The following RUFY4 variants were observed in gnomAD, a reference collection of about 807,000 sequenced individuals.
The protein encoded by RUFY4 is RUN and FYVE domain containing 4, also known as RUN and FYVE domain-containing protein 4.
In RUFY4, 73 loss-of-function variants were observed where a neutral mutation model predicts 69.0. That is an observed-to-expected ratio of 1.06 (90% CI 0.88 to 1.29). RUFY4 has a LOEUF of 1.29. RUFY4 is among the 50% of genes most tolerant of loss of function. The pLI is 0.00. For synonymous variants in RUFY4, 287 were observed against 271.8 expected (o/e 1.06, Z -0.55); for missense variants, 770 against 705.6 (o/e 1.09, Z -1.03).
chr2:218,073,581 C>T (rs1334582817), intron 5 of RUFY4, among the ~76,000 whole-genome samples, 195 bp downstream of exon 7: 2 of 152,164 alleles, frequency 1.3e-5, no homozygotes, highest in African/African-American at 4.8e-5. Flanking sequence ...AGAATATGCA[C>T]TCACTAACGA....
exon 5 of RUFY4, chr2:218,073,368 C>T (rs1302819991): frequency 1.3e-6 from 2 of 1,592,900 alleles, no homozygotes; most frequent in Admixed American, 1.8e-5. Flanking sequence ...CTGGATGGAG[C>T]CTGGCCCATG....
At chr2:218,059,552 T>A (rs1057463555) in intron 3 of RUFY4, 3 of 167,010 alleles carry the variant, frequency 1.8e-5, no homozygotes, top group African/African-American at 7.2e-5. Context: ...CTTATTTCAC[T>A]TAGCATGAAG....
At chr2:218,062,401 G>T (rs1164145852) in intron 3 of RUFY4, among the ~76,000 whole-genome samples, 1 of 113,196 alleles carries the variant, frequency 8.8e-6, no homozygotes, top group South Asian at 2.9e-4. Flanking sequence ...GCGAGACTCC[G>T]TCTCAAAAAA....
At chr2:218,088,810 A>T (rs952302076) in intron 9 of RUFY4, among the ~76,000 whole-genome samples, 1 of 150,512 alleles carries the variant, frequency 6.6e-6, no homozygotes, top group Non-Finnish European at 1.5e-5. Context: ...CTGTCTCCAT[A>T]TCTGTGTCTT....
At chr2:218,069,743 C>T (rs1278333948), upstream of RUFY4, among the ~76,000 whole-genome samples, 1 of 152,114 alleles carries the variant, frequency 6.6e-6, no homozygotes, top group Non-Finnish European at 1.5e-5. Flanking sequence ...CACCCCACCC[C>T]AAACTCCAAC....
At chr2:218,041,572 G>T (rs1003073152) in intron 2 of RUFY4, among the ~76,000 whole-genome samples, 1 of 149,726 alleles carries the variant, frequency 6.7e-6, no homozygotes, top group South Asian at 2.1e-4. Flanking sequence ...TTTATAGGTT[G>T]GACACAGAAG....
intron 9 of RUFY4, among the ~76,000 whole-genome samples, chr2:218,087,547 G>C (rs562535350): frequency 6.6e-6 from 1 of 152,334 alleles, no homozygotes; most frequent in Middle Eastern, 3.4e-3. Flanking sequence ...TACAATGGTA[G>C]GCTAGGCATG....
At chr2:218,073,425 C>G (rs756393431) in intron 5 of RUFY4, 39 bp downstream of exon 7, 1 of 1,567,762 alleles carries the variant, frequency 6.4e-7, no homozygotes. Flanking sequence ...TCTTTTGACA[C>G]CTGGTCCCAT....
chr2:218,039,270 C>A (rs897018387), intron 2 of RUFY4, among the ~76,000 whole-genome samples: 2 of 152,094 alleles, frequency 1.3e-5, no homozygotes, highest in Admixed American at 1.3e-4. Context: ...ATTTACACTA[C>A]CATTAGAGGA....
chr2:218,080,229 T>A lies in RUFY4; in HGVS notation c.1356-2881T>A, dbSNP rs371695855. ...TGTGCTACCAGAGGCTGGGGCAGGG[T>A]TTAGAGCAGGGGCGTTTCTCCGTCT... On this transcript the variant is annotated intron_variant, in intron 8 of 10. Coordinates refer to ENST00000344321, the Ensembl canonical transcript of RUFY4. Among the ~76,000 whole-genome samples the A allele has an allele frequency of 1.5e-3, 231 of 151,974 alleles. 1 individual carries two copies. The highest frequency in any genetic ancestry group is 5.2e-3 in the African/African-American group (216 of 41,404).
intron 3 of RUFY4, chr2:218,059,174 C>T (rs1689128349): frequency 1.3e-5 from 2 of 152,202 alleles, no homozygotes; most frequent in Admixed American, 6.5e-5. Context: ...CAATGAAAGA[C>T]ATTTAATTAT....
At chr2:218,070,411 C>T (rs994824943), upstream of RUFY4, 16 of 633,624 alleles carry the variant, frequency 2.5e-5, no homozygotes, top group Admixed American at 1.6e-4. Context: ...CCATCATCTT[C>T]ACACACTGGC....
exon 7 of RUFY4, chr2:218,075,396 G>C: frequency 6.2e-7 from 1 of 1,613,238 alleles, no homozygotes; most frequent in Non-Finnish European, 8.5e-7. Flanking sequence ...GGGGAAGGGG[G>C]CTATGGGCAC....
chr2:218,079,167 C>A (rs1289589881), intron 8 of RUFY4, among the ~76,000 whole-genome samples: 1 of 152,218 alleles, frequency 6.6e-6, no homozygotes, highest in Non-Finnish European at 1.5e-5. Context: ...CGGTGCCCGG[C>A]TTGATGTGCG....
At chr2:218,046,961 A>T (rs578209617) in intron 2 of RUFY4, among the ~76,000 whole-genome samples, 2 of 152,176 alleles carry the variant, frequency 1.3e-5, no homozygotes, top group South Asian at 4.2e-4. Context: ...ACACTTGATT[A>T]AATAGGTACA....
chr2:218,066,128 AGAT>A (rs79735977), upstream of RUFY4, among the ~76,000 whole-genome samples: 2 of 147,206 alleles, frequency 1.4e-5, no homozygotes, highest in Non-Finnish European at 3.0e-5. Context: ...ATGGTTGCTG[AGAT>A]GATGATGATG....
intron 3 of RUFY4, among the ~76,000 whole-genome samples, chr2:218,062,103 T>G (rs1236505751): frequency 6.6e-6 from 1 of 152,126 alleles, no homozygotes; most frequent in Non-Finnish European, 1.5e-5. Context: ...AAAAGTATAT[T>G]AAAAATGATA....
chr2:218,058,444 C>T (rs557946127), intron 2 of RUFY4, among the ~76,000 whole-genome samples: 4 of 152,190 alleles, frequency 2.6e-5, no homozygotes, highest in Non-Finnish European at 4.4e-5. Context: ...CTCCCTTCCC[C>T]GACCCTTTAA....
rs1161791010 is a variant in RUFY4 at position 218,070,665 on chromosome 2, G to A, written c.46+14G>A. On this transcript the variant is annotated intron_variant, in intron 1 of 10. Transcript: ENST00000344321. ...AAGACCTAAGAGGTGAGTGTGTCCT[G>A]AGAGATGCTCTGGGACTGAGTCATG... 9 of 1,537,052 alleles carry A rather than the reference G, an allele frequency of 5.9e-6. No homozygotes were observed. The highest frequency in any genetic ancestry group is 7.0e-6 in the Non-Finnish European group (8 of 1,146,550).
Sources: allele counts gnomAD v4.1 joint callset (sites outside exome capture counted in the v4.1 genomes callset), GRCh38; gene constraint gnomAD v4.1.1; transcripts MANE v1.5; gene names NCBI Gene and HGNC (gene_info 2026-07-23, HGNC 2026-07-21).